The following KIRREL3 variants were observed in gnomAD, a reference collection of about 807,000 sequenced individuals.
KIRREL3 encodes the protein kirre like nephrin family adhesion molecule 3, also known as kin of IRRE-like protein 3.
KIRREL3 carries 36 observed loss-of-function variants against 89.7 expected under a neutral mutation model. The observed-to-expected ratio is 0.40, with a 90% confidence interval of 0.31 to 0.53. KIRREL3 has a LOEUF of 0.53. Among genes scored for constraint, KIRREL3 ranks in the 20% least tolerant of loss-of-function variants. The pLI, the probability that KIRREL3 is intolerant of heterozygous loss-of-function variation, is 0.49. For missense variants in KIRREL3, 864 were observed against 1,056.6 expected (o/e 0.82, Z 2.53); for synonymous variants, 445 against 441.4 (o/e 1.01, Z -0.10).
chr11:126,687,676 C>T lies in KIRREL3; in HGVS notation c.56-124764G>A, dbSNP rs1456987978. ...TGCTTCATTCAACAAATTTACATTG[C>T]ACTCTCCTACATGCCAGGCATTGTT... is the stretch of plus-strand genomic sequence containing the variant. On this transcript the variant is annotated intron_variant, in intron 1 of 16. Coordinates refer to ENST00000525144, the MANE Select transcript of KIRREL3 (RefSeq NM_032531.4). The surrounding 1 kb of genome is among the most constrained non-coding windows in gnomAD (Gnocchi z 4.6). Among the ~76,000 whole-genome samples, 1 of 152,206 alleles carries T rather than the reference C, an allele frequency of 6.6e-6. No individual in the cohort carries two copies. The highest frequency in any genetic ancestry group is 1.5e-5 in the Non-Finnish European group (1 of 68,046).
chr11:126,520,044 G>T lies in KIRREL3; in HGVS notation c.433+1271C>A, dbSNP rs909091234. On this transcript the variant is annotated intron_variant, in intron 4 of 16. Coordinates refer to ENST00000525144, the MANE Select transcript of KIRREL3 (RefSeq NM_032531.4). This position sits in a 1 kb window ranked among gnomAD's most constrained non-coding sequence, Gnocchi z 4.9. ...GAGGCTGGCCCCAAGTCCCTCCCCC[G>T]CATCTCAAGAAGTCAAGCTCCGAGC... Among the ~76,000 whole-genome samples, 2 of 152,132 alleles carry T rather than the reference G, an allele frequency of 1.3e-5. No homozygotes were observed. Among genetic ancestry groups the T allele is most frequent in the African/African-American group, 4.8e-5 (2 of 41,422 alleles).
At position 126,750,529 on chromosome 11, in the gene KIRREL3, T is replaced by C. The variant is rs981517407; in HGVS notation, c.56-187617A>G. On this transcript the variant is annotated intron_variant, in intron 1 of 16. Coordinates refer to ENST00000525144, the MANE Select transcript of KIRREL3 (RefSeq NM_032531.4). This position sits in a 1 kb window ranked among gnomAD's most constrained non-coding sequence, Gnocchi z 4.2. ...TCAGTGAATGTAGCAGCTAGGCTTTTCTTAGGGCAACTGGGCTGGGCCAGG... is the reference window on the plus strand; with the variant it reads ...TCAGTGAATGTAGCAGCTAGGCTTTCCTTAGGGCAACTGGGCTGGGCCAGG... Among the ~76,000 whole-genome samples, 5 of 152,182 alleles carry C rather than the reference T, an allele frequency of 3.3e-5. 1 individual carries two copies. Among genetic ancestry groups the C allele is most frequent in the African/African-American group, 1.2e-4 (5 of 41,442 alleles).
rs1349453185 is a variant in KIRREL3, at chr11:126,917,078, C to A, written c.55+83377G>T. On this transcript the variant is annotated intron_variant, in intron 1 of 16. Coordinates refer to ENST00000525144, the MANE Select transcript of KIRREL3 (RefSeq NM_032531.4). The surrounding 1 kb of genome is among the most constrained non-coding windows in gnomAD (Gnocchi z 5.0). ...CACGTGTCTAACAGATGAATGCAAA[C>A]ACAAAATATGATATAGTCACACAAT... Among the ~76,000 whole-genome samples, 1 of 152,088 alleles carries A rather than the reference C, an allele frequency of 6.6e-6. No homozygotes were observed. The highest frequency in any genetic ancestry group is 1.9e-4 in the East Asian group (1 of 5,194).
chr11:126,613,535 G>C (rs1200976726), intron 1 of KIRREL3, among the ~76,000 whole-genome samples: 1 of 152,096 alleles, frequency 6.6e-6, no homozygotes, highest in Non-Finnish European at 1.5e-5. Context: ...GCTCATGTGT[G>C]TCATCCAATG....
rs971382933 is a variant in KIRREL3, at chr11:126,687,871, C to T, written c.56-124959G>A. Reference sequence around the variant, plus strand: ...ACGCCTGTGCAAGGCACAGGCTCCACTGCCAGCGAGGGAGAAAGCCCTCCT... The same window carrying T: ...ACGCCTGTGCAAGGCACAGGCTCCATTGCCAGCGAGGGAGAAAGCCCTCCT... On this transcript the variant is annotated intron_variant, in intron 1 of 16. Coordinates refer to ENST00000525144, the MANE Select transcript of KIRREL3 (RefSeq NM_032531.4). The surrounding 1 kb of genome is among the most constrained non-coding windows in gnomAD (Gnocchi z 4.6). Among the ~76,000 whole-genome samples the T allele has an allele frequency of 2.0e-5, 3 of 152,230 alleles. No individual in the cohort carries two copies. The highest frequency in any genetic ancestry group is 7.2e-5 in the African/African-American group (3 of 41,456).
chr11:126,883,501 T>G lies in KIRREL3; in HGVS notation c.55+116954A>C, dbSNP rs1945583960. Among the ~76,000 whole-genome samples, 1 of 152,130 alleles carries G rather than the reference T, an allele frequency of 6.6e-6. No homozygotes were observed. Among genetic ancestry groups the G allele is most frequent in the Admixed American group, 6.5e-5 (1 of 15,274 alleles). ...ACCTTACTCATGCTGGCAACTCTGC[T>G]TGAAACGTCCTTAACTCATCTTCTC... On this transcript the variant is annotated intron_variant, in intron 1 of 16. Transcript: ENST00000525144. The surrounding 1 kb of genome is among the most constrained non-coding windows in gnomAD (Gnocchi z 4.1).
At chr11:126,714,505 T>C (rs1309872486) in intron 1 of KIRREL3, among the ~76,000 whole-genome samples, 1 of 152,176 alleles carries the variant, frequency 6.6e-6, no homozygotes, top group Non-Finnish European at 1.5e-5. Flanking sequence ...TTTGGGAACA[T>C]GCTCATTCTG....
At chr11:126,836,666 T>G (rs7938753) in intron 1 of KIRREL3, among the ~76,000 whole-genome samples, 34,953 of 152,134 alleles carry the variant, frequency 0.23, 4,672 homozygotes, top group Non-Finnish European at 0.31. Flanking sequence ...TGTTGAGAAT[T>G]TTTTCCTTAA....
At chr11:126,597,131 G>A (rs1942433192) in intron 1 of KIRREL3, among the ~76,000 whole-genome samples, 1 of 152,184 alleles carries the variant, frequency 6.6e-6, no homozygotes, top group East Asian at 1.9e-4. Flanking sequence ...TTGGAGGGCC[G>A]TTCCCAGCAC....
Position 126,922,018 on chromosome 11 carries a change from C to T in KIRREL3, c.55+78437G>A, listed in dbSNP as rs866944487. Among the ~76,000 whole-genome samples, 16 of 114,356 alleles carry T rather than the reference C, an allele frequency of 1.4e-4. No homozygotes were observed. The South Asian group carries it at 2.6e-3, about 18-fold the overall frequency. 75.0% of individuals were successfully genotyped at this position (114,356 alleles called of 152,430 possible). ...ATCTATCTATCTATCATCTATCTTC[C>T]TATCTATCTTCCTATCTATCTATCT... is the stretch of plus-strand genomic sequence containing the variant. On this transcript the variant is annotated intron_variant, in intron 1 of 16. Transcript: ENST00000525144.
At position 126,954,709 on chromosome 11, in the gene KIRREL3, T is replaced by G. The variant is rs1295148121; in HGVS notation, c.55+45746A>C. ...GTAGAATATCACAGGCAGTTCATTTTAACAGTAGTCATATATTGAGTTCCT... is the reference window on the plus strand; with the variant it reads ...GTAGAATATCACAGGCAGTTCATTTGAACAGTAGTCATATATTGAGTTCCT... On this transcript the variant is annotated intron_variant, in intron 1 of 16. Coordinates refer to ENST00000525144, the MANE Select transcript of KIRREL3 (RefSeq NM_032531.4). The surrounding 1 kb of genome is among the most constrained non-coding windows in gnomAD (Gnocchi z 4.1). Among the ~76,000 whole-genome samples, 1 of 152,196 alleles carries G rather than the reference T, an allele frequency of 6.6e-6. No individual in the cohort carries two copies. The highest frequency in any genetic ancestry group is 2.4e-5 in the African/African-American group (1 of 41,456).
At chr11:126,506,310 G>A (rs570297001) in intron 4 of KIRREL3, among the ~76,000 whole-genome samples, 2 of 152,194 alleles carry the variant, frequency 1.3e-5, no homozygotes, top group East Asian at 1.9e-4. Flanking sequence ...TTAAGTAAAC[G>A]AAAAGGCAAA....
In KIRREL3 at chr11:126,723,001, C is replaced by A. The variant is rs527582738; in HGVS notation, c.56-160089G>T. 1.0e-3 allele frequency among the ~76,000 whole-genome samples: 156 copies of A among 152,236 alleles called. 1 individual carries two copies. The Middle Eastern group carries it at 0.014, about 13-fold the overall frequency. ...CTATCATGAAACTATCCTTTGTCTC[C>A]CACGGTGGAATTGGCCTTTCTTCAT... On this transcript the variant is annotated intron_variant, in intron 1 of 16. Transcript: ENST00000525144. This position sits in a 1 kb window ranked among gnomAD's most constrained non-coding sequence, Gnocchi z 4.0.
intron 1 of KIRREL3, among the ~76,000 whole-genome samples, chr11:126,974,769 G>A (rs916329602): frequency 1.6e-4 from 25 of 151,912 alleles, no homozygotes; most frequent in Admixed American, 1.2e-3. Context: ...GCAGTGGCAC[G>A]TTCTCAGTTC....
chr11:126,781,414 C>A (rs1950320863), intron 1 of KIRREL3, among the ~76,000 whole-genome samples: 1 of 152,116 alleles, frequency 6.6e-6, no homozygotes, highest in Non-Finnish European at 1.5e-5. Flanking sequence ...CAGGGGAAAC[C>A]AGTGTTTTGG....
Position 126,446,890 on chromosome 11 carries a change from C to A in KIRREL3, c.998-4G>T, listed in dbSNP as rs79582494. The A allele has an allele frequency of 6.2e-7, 1 of 1,604,738 alleles. No homozygotes were observed. Among genetic ancestry groups the A allele is most frequent in the Non-Finnish European group, 8.5e-7 (1 of 1,175,828 alleles). ...TCTGTGGTCATCCGGGGCCCAACTGCGATGTGAGGAAGAAGAAGACAGGTT... is the reference window on the plus strand; with the variant it reads ...TCTGTGGTCATCCGGGGCCCAACTGAGATGTGAGGAAGAAGAAGACAGGTT... On this transcript the variant is annotated splice_region_variant and splice_polypyrimidine_tract_variant and intron_variant, in intron 8 of 16. Transcript: ENST00000525144.
At chr11:126,712,582 A>C (rs1034365092) in intron 1 of KIRREL3, among the ~76,000 whole-genome samples, 1 of 152,184 alleles carries the variant, frequency 6.6e-6, no homozygotes, top group African/African-American at 2.4e-5. Flanking sequence ...CGGGTGCGGG[A>C]AACTTTCCCT....
chr11:126,535,144 C>A lies in KIRREL3; in HGVS notation c.134-8457G>T, dbSNP rs1937743832. On this transcript the variant is annotated intron_variant, in intron 2 of 16. Transcript: ENST00000525144. This position sits in a 1 kb window ranked among gnomAD's most constrained non-coding sequence, Gnocchi z 4.5. ...TGGCATCCTCAGATCAGTGGTGGGG[C>A]TGGATGTCTTCCCCAGTTGTTTCCC... 6.6e-6 allele frequency among the ~76,000 whole-genome samples: 1 copy of A among 152,056 alleles called. No individual in the cohort carries two copies.
At position 126,969,253 on chromosome 11, in the gene KIRREL3, T is replaced by G. The variant is rs145521902; in HGVS notation, c.55+31202A>C. 1.3e-3 allele frequency among the ~76,000 whole-genome samples: 191 copies of G among 152,006 alleles called. 1 individual carries two copies. The highest frequency in any genetic ancestry group is 3.6e-3 in the African/African-American group (150 of 41,440). On this transcript the variant is annotated intron_variant, in intron 1 of 16. Coordinates refer to ENST00000525144, the MANE Select transcript of KIRREL3 (RefSeq NM_032531.4). This position sits in a 1 kb window ranked among gnomAD's most constrained non-coding sequence, Gnocchi z 4.9. ...ATTTACTGACACAATAGACATGGAGTGCCTCCCATGGACACAGGGAATGAA... is the reference window on the plus strand; with the variant it reads ...ATTTACTGACACAATAGACATGGAGGGCCTCCCATGGACACAGGGAATGAA...
Sources: allele counts gnomAD v4.1 joint callset (sites outside exome capture counted in the v4.1 genomes callset), GRCh38; gene constraint gnomAD v4.1.1; non-coding constraint Gnocchi (gnomAD v3.1); transcripts MANE v1.5; gene names NCBI Gene and HGNC (gene_info 2026-07-23, HGNC 2026-07-21).